CD48: variants seen among roughly 807,000 people sequenced by gnomAD.
CD48 encodes the protein CD48 antigen.
In CD48, 20 loss-of-function variants were observed where a neutral mutation model predicts 22.0. The ratio of observed to expected loss-of-function variants is 0.91; its 90% confidence interval spans 0.64 to 1.32. The LOEUF (loss-of-function observed/expected upper bound fraction) is 1.32, where lower values mean the gene tolerates loss of function less well. Among genes scored for constraint, CD48 ranks in the 40% most tolerant of loss-of-function variants. CD48 has a pLI of 0.00. For missense variants in CD48, 307 were observed against 286.5 expected (o/e 1.07, Z -0.52); for synonymous variants, 110 against 110.1 (o/e 1.00, Z 0.01).
chr1:160,704,443 C>T (rs900670800), intron 1 of CD48, among the ~76,000 whole-genome samples: 20 of 152,142 alleles, frequency 1.3e-4, no homozygotes, highest in Admixed American at 9.8e-4. Context: ...GTGAAGTTCC[C>T]GCTACCCACT....
rs1661953783 is a variant in CD48, at chr1:160,685,156, C to G, written c.116G>C (p.Ser39Thr). Residue 39 changes from serine to threonine, a missense_variant, in exon 2 of 4, where the codon AGC (serine) becomes ACC (threonine). Ser to Thr is a moderately conservative substitution (Grantham distance 58, BLOSUM62 1). Transcript: ENST00000368046. ...HLVHMTVVSG[S>T]NVTLNISESL... ...CTCAGAGATGTTCAGAGTCACGTTG[C>G]TGCCGGAGACCACGGTCATATGTAC... The G allele has an allele frequency of 6.2e-7, 1 of 1,611,394 alleles. No homozygotes were observed. Among genetic ancestry groups the G allele is most frequent in the African/African-American group, 1.3e-5 (1 of 74,860 alleles).
Position 160,693,457 on chromosome 1 carries a change from G to C in CD48, c.83-8268C>G, listed in dbSNP as rs550900015. ...TTGGAGGAGCTACGCATAAAGCTATGCTTATGGCCCAAGCAATAACAGGAG... is the reference window on the plus strand; with the variant it reads ...TTGGAGGAGCTACGCATAAAGCTATCCTTATGGCCCAAGCAATAACAGGAG... On this transcript the variant is annotated intron_variant, in intron 1 of 3. Coordinates refer to ENST00000368046, the MANE Select transcript of CD48 (RefSeq NM_001778.4). 4.6e-5 allele frequency among the ~76,000 whole-genome samples: 7 copies of C among 152,292 alleles called. No individual in the cohort carries two copies. In the South Asian group the frequency reaches 8.3e-4, roughly 18 times the overall value.
chr1:160,701,147 T>C (rs1372188141), intron 1 of CD48, among the ~76,000 whole-genome samples: 1 of 143,926 alleles, frequency 6.9e-6, no homozygotes, highest in African/African-American at 2.6e-5. Context: ...AAGCAAATTT[T>C]TCACAATCTG....
At chr1:160,705,986 C>A (rs566555583) in intron 1 of CD48, among the ~76,000 whole-genome samples, 1 of 152,114 alleles carries the variant, frequency 6.6e-6, no homozygotes, top group Non-Finnish European at 1.5e-5. Flanking sequence ...TTGGCAGACT[C>A]CCCAGGATGT....
intron 2 of CD48, among the ~76,000 whole-genome samples, chr1:160,681,725 T>C (rs1280402575): frequency 6.6e-6 from 1 of 152,102 alleles, no homozygotes; most frequent in East Asian, 1.9e-4. Context: ...TCATATGCTC[T>C]GGGAACAAAA....
intron 1 of CD48, among the ~76,000 whole-genome samples, chr1:160,692,758 T>TGGAGAAGGAGCCCAAGAG (rs1662272176): frequency 6.6e-6 from 1 of 152,188 alleles, no homozygotes; most frequent in Non-Finnish European, 1.5e-5. Context: ...CGATGCCACC[T>TGGAGAAGGAGCCCAAGAG]GGAGAAGGAG....
At chr1:160,700,929 A>G (rs925006885) in intron 1 of CD48, among the ~76,000 whole-genome samples, 2 of 152,096 alleles carry the variant, frequency 1.3e-5, no homozygotes, top group African/African-American at 4.8e-5. Context: ...AAATTTGGTA[A>G]CAGTCAATTC....
intron 1 of CD48, among the ~76,000 whole-genome samples, chr1:160,706,688 T>A (rs953026578): frequency 6.6e-6 from 1 of 152,192 alleles, no homozygotes; most frequent in Non-Finnish European, 1.5e-5. Flanking sequence ...TCTTATTCTT[T>A]TACTTTCTTA....
At chr1:160,704,164 A>G (rs1202219918) in intron 1 of CD48, among the ~76,000 whole-genome samples, 1 of 152,208 alleles carries the variant, frequency 6.6e-6, no homozygotes, top group Non-Finnish European at 1.5e-5. Context: ...ATTTCCCGTG[A>G]AAGTGATGAA....
chr1:160,679,195 G>A, intron 3 of CD48, 64 bp from the exon 4 acceptor site: 1 of 1,325,460 alleles, frequency 7.5e-7, no homozygotes, highest in South Asian at 1.2e-5. Context: ...ATTGAGAAGG[G>A]GCAAGTGTAC....
At chr1:160,690,735 G>A (rs1033993684) in intron 1 of CD48, among the ~76,000 whole-genome samples, 1 of 152,158 alleles carries the variant, frequency 6.6e-6, no homozygotes, top group South Asian at 2.1e-4. Flanking sequence ...TTTGATAGTA[G>A]CAGTTTCTAT....
At chr1:160,679,460 G>A (rs1661720220) in intron 3 of CD48, among the ~76,000 whole-genome samples, 1 of 151,916 alleles carries the variant, frequency 6.6e-6, no homozygotes, top group Non-Finnish European at 1.5e-5. Flanking sequence ...ACAGACAGAT[G>A]ACCACATGAT....
chr1:160,700,268 T>C (rs1357846152), intron 1 of CD48, among the ~76,000 whole-genome samples: 2 of 152,200 alleles, frequency 1.3e-5, no homozygotes, highest in East Asian at 1.9e-4. Context: ...GGATAATGAT[T>C]GTCAATAACG....
At chr1:160,694,083 A>C (rs1662321811) in intron 1 of CD48, among the ~76,000 whole-genome samples, 1 of 152,252 alleles carries the variant, frequency 6.6e-6, no homozygotes, top group South Asian at 2.1e-4. Flanking sequence ...CTAAATCTAA[A>C]AGGAGTTCAA....
chr1:160,692,715 C>G (rs1372874972), intron 1 of CD48, among the ~76,000 whole-genome samples: 1 of 152,198 alleles, frequency 6.6e-6, no homozygotes, highest in South Asian at 2.1e-4. Context: ...GAAGGAGATA[C>G]TGAGGCGTGG....
At chr1:160,680,502 A>G in intron 3 of CD48, 1 of 850,794 alleles carries the variant, frequency 1.2e-6, no homozygotes, top group Non-Finnish European at 1.4e-6. Context: ...AGTAAGTGAC[A>G]GTCCTAGAAG....
intron 3 of CD48, 30 bp from the exon 4 acceptor site, chr1:160,679,161 A>G (rs1232514876): frequency 6.4e-7 from 1 of 1,574,674 alleles, no homozygotes; most frequent in South Asian, 1.1e-5. Flanking sequence ...CTATATGCTT[A>G]GGTATCTTTA....
intron 1 of CD48, among the ~76,000 whole-genome samples, chr1:160,687,294 A>T (rs1457321957): frequency 6.6e-6 from 1 of 152,092 alleles, no homozygotes; most frequent in Non-Finnish European, 1.5e-5. Context: ...CCCAGATTTC[A>T]TATTGTTTAA....
chr1:160,691,251 C>T (rs1180380900), intron 1 of CD48, among the ~76,000 whole-genome samples: 1 of 152,122 alleles, frequency 6.6e-6, no homozygotes, highest in Non-Finnish European at 1.5e-5. Context: ...AAGCATGTCT[C>T]TTGCAGTTGA....
Sources: gnomAD v4.1 joint callset for allele counts (sites outside exome capture counted in the v4.1 genomes callset) on GRCh38, gnomAD v4.1.1 for gene constraint, MANE v1.5 for transcripts, NCBI Gene and HGNC (gene_info 2026-07-23, HGNC 2026-07-21) for gene names.